The following DERA variants were observed in gnomAD, a reference collection of about 807,000 sequenced individuals.
DERA encodes 2-deoxy-D-ribose 5-phosphate aldolase.
A neutral mutation model predicts 41.1 loss-of-function variants in DERA; 15 were observed. The observed-to-expected ratio is 0.37, with a 90% CI of 0.24 to 0.56. DERA has a LOEUF of 0.56. DERA is among the 20% of genes least tolerant of loss of function. The pLI, the probability that DERA is intolerant of heterozygous loss-of-function variation, is 0.81. For synonymous variants in DERA, 139 were observed against 137.4 expected, an observed-to-expected ratio of 1.01 and a Z score of -0.08; for missense variants, 396 against 403.4, an observed-to-expected ratio of 0.98 and a Z score of 0.16.
rs746129851 is a variant in DERA at position 15,915,690 on chromosome 12, G to A, written c.31+4276G>A. On this transcript the variant is annotated intron_variant, in intron 1 of 8. Coordinates refer to ENST00000428559, the MANE Select transcript of DERA (RefSeq NM_015954.4). The surrounding 1 kb of genome is among the most constrained non-coding windows in gnomAD (Gnocchi z 4.8). ...AATACCTACTGTGTGCAGACACTGT[G>A]CTTAGGTGCTGGGTATAATGATAGT... 3.3e-5 allele frequency among the ~76,000 whole-genome samples: 5 copies of A among 152,210 alleles called. No homozygotes were observed. The highest frequency in any genetic ancestry group is 7.3e-5 in the Non-Finnish European group (5 of 68,044).
intron 1 of DERA, among the ~76,000 whole-genome samples, chr12:15,916,468 T>TTG (rs1948200363): frequency 1.4e-5 from 2 of 143,578 alleles, no homozygotes; most frequent in Non-Finnish European, 1.5e-5. Context: ...TTTTTTTTTT[T>TTG]GAGACAGAGT....
At chr12:15,955,254 G>C (rs376058383) in intron 1 of DERA, among the ~76,000 whole-genome samples, 2 of 151,248 alleles carry the variant, frequency 1.3e-5, no homozygotes, top group Non-Finnish European at 2.9e-5. Context: ...AGCCAAGATC[G>C]TACCACTGCA....
chr12:15,944,815 C>A (rs1948434989), intron 1 of DERA, among the ~76,000 whole-genome samples: 2 of 152,088 alleles, frequency 1.3e-5, no homozygotes, highest in Admixed American at 1.3e-4. Context: ...ATGCCTATGT[C>A]CTGAATGGTA....
intron 6 of DERA, among the ~76,000 whole-genome samples, chr12:16,006,007 C>A (rs1371479182): frequency 6.6e-6 from 1 of 152,180 alleles, no homozygotes; most frequent in East Asian, 1.9e-4. Context: ...TGAAATTCTG[C>A]TGTTCGGTCC....
intron 7 of DERA, among the ~76,000 whole-genome samples, chr12:16,034,988 A>G (rs1391812105): frequency 6.6e-6 from 1 of 151,978 alleles, no homozygotes; most frequent in African/African-American, 2.4e-5. Context: ...GAGTAATAGC[A>G]GATATGGTTG....
At position 15,982,260 on chromosome 12, in the gene DERA, G is replaced by A; in HGVS notation, c.509-48G>A. Reference sequence around the variant, plus strand: ...CAGCTCTAAACGGCTGCCAAGTTATGTTATCACTTGCCTGCTTTGTAACTG... The same window carrying A: ...CAGCTCTAAACGGCTGCCAAGTTATATTATCACTTGCCTGCTTTGTAACTG... On this transcript the variant is annotated intron_variant, in intron 5 of 8. Transcript: ENST00000428559. This position sits in a 1 kb window ranked among gnomAD's most constrained non-coding sequence, Gnocchi z 4.0. The A allele has an allele frequency of 1.9e-6, 3 of 1,576,724 alleles. No homozygotes were observed. Among genetic ancestry groups the A allele is most frequent in the South Asian group, 1.2e-5 (1 of 84,782 alleles).
rs1234572312 is a variant in DERA at position 15,915,188 on chromosome 12, A to G, written c.31+3774A>G. On this transcript the variant is annotated intron_variant, in intron 1 of 8. Coordinates refer to ENST00000428559, the MANE Select transcript of DERA (RefSeq NM_015954.4). The surrounding 1 kb of genome is among the most constrained non-coding windows in gnomAD (Gnocchi z 4.8). ...CAATTAAATGCAAGTGTGATGTGCA[A>G]TTATTTTTCATTTATTTTTGTCTAA... Among the ~76,000 whole-genome samples, 1 of 152,204 alleles carries G rather than the reference A, an allele frequency of 6.6e-6. No homozygotes were observed. The highest frequency in any genetic ancestry group is 1.5e-5 in the Non-Finnish European group (1 of 68,030).
chr12:15,943,039 A>G lies in DERA; in HGVS notation c.32-13897A>G, dbSNP rs1948419708. 6.6e-6 allele frequency among the ~76,000 whole-genome samples: 1 copy of G among 152,158 alleles called. No individual in the cohort carries two copies. Among genetic ancestry groups the G allele is most frequent in the Non-Finnish European group, 1.5e-5 (1 of 68,024 alleles). ...TGACTTCAGTAGTTACTTAGAGCATAGAGTGGTTGGGGAGAGGGACAGCGA... is the reference window on the plus strand; with the variant it reads ...TGACTTCAGTAGTTACTTAGAGCATGGAGTGGTTGGGGAGAGGGACAGCGA... On this transcript the variant is annotated intron_variant, in intron 1 of 8. Transcript: ENST00000428559. The surrounding 1 kb of genome is among the most constrained non-coding windows in gnomAD (Gnocchi z 4.5).
chr12:15,926,890 G>A (rs551309491), intron 1 of DERA, among the ~76,000 whole-genome samples: 4 of 152,274 alleles, frequency 2.6e-5, no homozygotes, highest in South Asian at 2.1e-4. Context: ...TATATGTAAC[G>A]AATTAACTCT....
intron 1 of DERA, among the ~76,000 whole-genome samples, chr12:15,949,750 C>T (rs1254094888): frequency 6.6e-6 from 1 of 152,170 alleles, no homozygotes; most frequent in Non-Finnish European, 1.5e-5. Flanking sequence ...AACCCGGTAC[C>T]TCAGTTGGAA....
At chr12:15,968,182 G>A (rs1468412880) in intron 5 of DERA, among the ~76,000 whole-genome samples, 1 of 151,298 alleles carries the variant, frequency 6.6e-6, no homozygotes, top group African/African-American at 2.4e-5. Context: ...AACAATGTAC[G>A]TAAATTCATA....
rs770281301 is a variant in DERA at position 15,911,381 on chromosome 12, G to T, written c.-3G>T. 7.1e-6 allele frequency: 10 copies of T among 1,405,410 alleles called. No homozygotes were observed. The East Asian group carries it at 3.0e-4, about 41-fold the overall frequency. 87.1% of individuals were successfully genotyped at this position (1,405,410 alleles called of 1,614,324 possible). On this transcript the variant is annotated 5_prime_UTR_variant, in exon 1 of 9. Coordinates refer to ENST00000428559, the MANE Select transcript of DERA (RefSeq NM_015954.4). The surrounding 1 kb of genome is among the most constrained non-coding windows in gnomAD (Gnocchi z 4.5). ...AGCCGGCAGCTCCGGAGCTGCCCGC[G>T]CCATGTCCGCGCACAATCGGGGCAC...
chr12:15,950,646 C>T (rs1565593149), intron 1 of DERA, among the ~76,000 whole-genome samples: 1 of 152,134 alleles, frequency 6.6e-6, no homozygotes, highest in African/African-American at 2.4e-5. Flanking sequence ...ACACTGTTTC[C>T]CTATATGATG....
In DERA at chr12:15,966,201, G is replaced by A. The variant is rs527495695; in HGVS notation, c.508+3254G>A. 1.3e-5 allele frequency among the ~76,000 whole-genome samples: 2 copies of A among 152,158 alleles called. No homozygotes were observed. Among genetic ancestry groups the A allele is most frequent in the African/African-American group, 2.4e-5 (1 of 41,424 alleles). On this transcript the variant is annotated intron_variant, in intron 5 of 8. Coordinates refer to ENST00000428559, the MANE Select transcript of DERA (RefSeq NM_015954.4). This position sits in a 1 kb window ranked among gnomAD's most constrained non-coding sequence, Gnocchi z 5.1. ...ACCTCTTGCTCTGCTGCCGCCCTAA[G>A]CTCTGGTTCCGCAGCAACGCTCTGG...
chr12:16,013,046 C>G lies in DERA; in HGVS notation c.638-19496C>G, dbSNP rs1948957255. ...TTGGACTATGACGTGCAGCCCTAGA[C>G]AAATCAGTAGAGTCAGTGACTCCCA... On this transcript the variant is annotated intron_variant, in intron 6 of 8. Coordinates refer to ENST00000428559, the MANE Select transcript of DERA (RefSeq NM_015954.4). The surrounding 1 kb of genome is among the most constrained non-coding windows in gnomAD (Gnocchi z 5.8). Among the ~76,000 whole-genome samples the G allele has an allele frequency of 6.6e-6, 1 of 152,132 alleles. No homozygotes were observed. Among genetic ancestry groups the G allele is most frequent in the Non-Finnish European group, 1.5e-5 (1 of 68,026 alleles).
intron 7 of DERA, among the ~76,000 whole-genome samples, chr12:16,033,865 T>C (rs1285168301): frequency 6.6e-6 from 1 of 152,154 alleles, no homozygotes; most frequent in Non-Finnish European, 1.5e-5. Flanking sequence ...TAATTACGAA[T>C]AGGATAAATA....
chr12:16,030,184 G>A (rs184114789), intron 6 of DERA, among the ~76,000 whole-genome samples: 118 of 150,546 alleles, frequency 7.8e-4, no homozygotes, highest in African/African-American at 2.8e-3. Context: ...TGCCAGCCTC[G>A]GCCTCCCAAA....
At chr12:15,961,589 A>G (rs1488134337) in intron 4 of DERA, among the ~76,000 whole-genome samples, 2 of 152,206 alleles carry the variant, frequency 1.3e-5, no homozygotes, top group Admixed American at 6.5e-5. Context: ...CATGGTGCAC[A>G]GTATTTATAT....
Position 15,984,770 on chromosome 12 carries a change from G to A in DERA, c.637+2334G>A, listed in dbSNP as rs1256619032. On this transcript the variant is annotated intron_variant, in intron 6 of 8. Transcript: ENST00000428559. The surrounding 1 kb of genome is among the most constrained non-coding windows in gnomAD (Gnocchi z 4.5). Reference sequence around the variant, plus strand: ...ATGAAAGCATGTAGCATACTTCCTGGCCTATAGTTTATACTTCCTACTCTG... The same window carrying A: ...ATGAAAGCATGTAGCATACTTCCTGACCTATAGTTTATACTTCCTACTCTG... Among the ~76,000 whole-genome samples the A allele has an allele frequency of 4.6e-5, 7 of 152,004 alleles. No homozygotes were observed. The East Asian group carries it at 1.2e-3, about 25-fold the overall frequency.
Sources: allele counts gnomAD v4.1 joint callset (sites outside exome capture counted in the v4.1 genomes callset), GRCh38; gene constraint gnomAD v4.1.1; non-coding constraint Gnocchi (gnomAD v3.1); transcripts MANE v1.5; gene names NCBI Gene and HGNC (gene_info 2026-07-23, HGNC 2026-07-21).